KCNC1: variants seen among roughly 807,000 people sequenced by gnomAD.
The protein encoded by KCNC1 is voltage-gated potassium channel KCNC1.
Under a neutral mutation model 43.4 loss-of-function variants are expected in KCNC1, and 8 were observed. The observed-to-expected ratio is 0.18, with a 90% CI of 0.11 to 0.33. KCNC1 has a LOEUF of 0.33. KCNC1 is among the 10% of genes least tolerant of loss of function. The probability of loss-of-function intolerance (pLI) is 1.00; values close to 1 mark genes in which losing one functional copy is unlikely to be tolerated. For missense variants in KCNC1, 420 were observed against 836.0 expected (o/e 0.50, Z 6.14); for synonymous variants, 361 against 360.5 (o/e 1.00, Z -0.01).
Position 17,779,384 on chromosome 11 carries a change from C to T in KCNC1, c.1505-72C>T. 1 of 1,288,030 alleles carries T rather than the reference C, an allele frequency of 7.8e-7. No individual in the cohort carries two copies. Among genetic ancestry groups the T allele is most frequent in the Non-Finnish European group, 1.0e-6 (1 of 969,688 alleles). The allele number at this position is 1,288,030 out of a possible 1,614,324, so 79.8% of individuals were successfully genotyped here. On this transcript the variant is annotated intron_variant, in intron 2 of 3. Transcript: ENST00000265969. The surrounding 1 kb of genome is among the most constrained non-coding windows in gnomAD (Gnocchi z 7.2). Reference sequence around the variant, plus strand: ...GCTGCCCTCTGCCAATACCCCGCTTCTGGCCTGTCCCCCCCTGCCCCCCAC... The same window carrying T: ...GCTGCCCTCTGCCAATACCCCGCTTTTGGCCTGTCCCCCCCTGCCCCCCAC...
chr11:17,759,371 G>A (rs941777015), intron 1 of KCNC1, among the ~76,000 whole-genome samples: 35 of 152,158 alleles, frequency 2.3e-4, no homozygotes, highest in Non-Finnish European at 4.4e-4. Flanking sequence ...CAGTAGTAAG[G>A]CTGTTTTGCT....
rs1256575765 is a variant in KCNC1, at chr11:17,734,874, G to GCGCCT, written c.-1122_-1118dup. 15 of 149,878 alleles carry GCGCCT rather than the reference G, an allele frequency of 1.0e-4. No individual in the cohort carries two copies. In the East Asian group the frequency reaches 2.7e-3, roughly 27 times the overall value. 9.3% of individuals were successfully genotyped at this position (149,878 alleles called of 1,614,324 possible). On this transcript the variant is annotated 5_prime_UTR_variant, in exon 1 of 4. Transcript: ENST00000265969. ...CGGCGGCGGCGGCAGCGGCCGCTCCGCGCCTCGCCTCACCGGCCTCGCTGG... is the reference window on the plus strand; with the variant it reads ...CGGCGGCGGCGGCAGCGGCCGCTCCGCGCCTCGCCTCGCCTCACCGGCCTCGCTGG...
intron 1 of KCNC1, among the ~76,000 whole-genome samples, chr11:17,762,521 G>A (rs1849089355): frequency 6.6e-6 from 1 of 152,222 alleles, no homozygotes. Context: ...ACAGTCACCT[G>A]GTTGAGTCAG....
intron 1 of KCNC1, among the ~76,000 whole-genome samples, chr11:17,741,881 C>T (rs751495406): frequency 6.6e-6 from 1 of 152,238 alleles, no homozygotes; most frequent in Non-Finnish European, 1.5e-5. Flanking sequence ...ATCCCCGACA[C>T]CCCACCTCAA....
rs11024388 is a variant in KCNC1, at chr11:17,739,363, G to A, written c.570+2791G>A. On this transcript the variant is annotated intron_variant, in intron 1 of 3. Coordinates refer to ENST00000265969, the MANE Select transcript of KCNC1 (RefSeq NM_001112741.2). The surrounding 1 kb of genome is among the most constrained non-coding windows in gnomAD (Gnocchi z 4.2). Reference sequence around the variant, plus strand: ...TGAGAATAAATGTGAGACTCCAGGCGTGTGTGTGTGTGTGTGTGTGTGTGT... The same window carrying A: ...TGAGAATAAATGTGAGACTCCAGGCATGTGTGTGTGTGTGTGTGTGTGTGT... Among the ~76,000 whole-genome samples, 3 of 2,942 alleles carry A rather than the reference G, an allele frequency of 1.0e-3. No individual in the cohort carries two copies. The highest frequency in any genetic ancestry group is 2.8e-3 in the Non-Finnish European group (2 of 708). The allele number at this position is 2,942 out of a possible 152,430, so 1.9% of individuals were successfully genotyped here.
chr11:17,764,568 AG>A (rs1849126748), intron 1 of KCNC1, among the ~76,000 whole-genome samples: 1 of 152,152 alleles, frequency 6.6e-6, no homozygotes, highest in African/African-American at 2.4e-5. Flanking sequence ...GCTGCCACAC[AG>A]CCGTGTTCCT....
intron 1 of KCNC1, among the ~76,000 whole-genome samples, chr11:17,754,965 G>T (rs541631891): frequency 6.6e-5 from 10 of 152,278 alleles, no homozygotes; most frequent in African/African-American, 2.4e-4. Flanking sequence ...GCTGAGGAAA[G>T]TTGGCATCTT....
In KCNC1 at chr11:17,736,443, C is replaced by T. The variant is rs1279299321; in HGVS notation, c.441C>T (p.Asp147=). The T allele has an allele frequency of 6.2e-7, 1 of 1,605,214 alleles. No homozygotes were observed. Among genetic ancestry groups the T allele is most frequent in the Non-Finnish European group, 8.5e-7 (1 of 1,178,090 alleles). ...CTGGCGACTCGGGCGACGGCGAGGA[C>T]GAGCTGGAGATGACCAAGCGCCTGG... is the stretch of plus-strand genomic sequence containing the variant. ...DGPGDSGDGE[D]ELEMTKRLAL... Residue 147 remains aspartate, a synonymous_variant, in exon 1 of 4, where the codon GAC becomes GAT. Transcript: ENST00000265969. This position sits in a 1 kb window ranked among gnomAD's most constrained non-coding sequence, Gnocchi z 9.3.
rs1027362714 is a variant in KCNC1, at chr11:17,776,514, T to C, written c.1505-2942T>C. The C allele has an allele frequency of 1.0e-6, 1 of 985,436 alleles. No homozygotes were observed. The highest frequency in any genetic ancestry group is 1.7e-5 in the African/African-American group (1 of 57,362). The allele number at this position is 985,436 out of a possible 1,614,324, so 61.0% of individuals were successfully genotyped here. A position where few individuals can be genotyped will look rare whatever the true frequency, so the allele number is the denominator to read the frequency against. On this transcript the variant is annotated intron_variant, in intron 2 of 3. Transcript: ENST00000265969. The surrounding 1 kb of genome is among the most constrained non-coding windows in gnomAD (Gnocchi z 4.4). The stretch of plus-strand genomic sequence containing the variant: ...TGAGGGCCCAGCCTCGGGTTCTCCT[T>C]GCTCCAAAGTTTAAAAAAAAATGAC...
rs546674359 is a variant in KCNC1, at chr11:17,748,710, G to T, written c.570+12138G>T. 3.3e-5 allele frequency among the ~76,000 whole-genome samples: 5 copies of T among 152,184 alleles called. 1 individual carries two copies. The South Asian group carries it at 6.2e-4, about 19-fold the overall frequency. On this transcript the variant is annotated intron_variant, in intron 1 of 3. Coordinates refer to ENST00000265969, the MANE Select transcript of KCNC1 (RefSeq NM_001112741.2). ...GACAGTGGGGTCTGCTCTTGACGGG[G>T]CCTGCCCCATGGGTTCCCTGAGTGT...
At chr11:17,763,328 C>T (rs1849099117) in intron 1 of KCNC1, among the ~76,000 whole-genome samples, 1 of 151,980 alleles carries the variant, frequency 6.6e-6, no homozygotes, top group Non-Finnish European at 1.5e-5. Context: ...GAAAGGGGCA[C>T]ACCCCTGGGC....
In KCNC1 at chr11:17,773,144, A is replaced by AGCTGAGTAGAATTCCT. The variant is rs1310831174; in HGVS notation, c.1504+549_1504+564dup. The AGCTGAGTAGAATTCCT allele has an allele frequency of 3.2e-5, 32 of 988,466 alleles. No individual in the cohort carries two copies. Among genetic ancestry groups the AGCTGAGTAGAATTCCT allele is most frequent in the Non-Finnish European group, 3.8e-5 (32 of 832,204 alleles). 61.2% of individuals were successfully genotyped at this position (988,466 alleles called of 1,614,324 possible). A position where few individuals can be genotyped will look rare whatever the true frequency, so the allele number is the denominator to read the frequency against. On this transcript the variant is annotated intron_variant, in intron 2 of 3. Transcript: ENST00000265969. This position sits in a 1 kb window ranked among gnomAD's most constrained non-coding sequence, Gnocchi z 4.1. Reference sequence around the variant, plus strand: ...CACCCCCGGCAGAGCCTGTCTCCATAGCTGAGTAGAATTCCTGCCCTGATT... The same window carrying AGCTGAGTAGAATTCCT: ...CACCCCCGGCAGAGCCTGTCTCCATAGCTGAGTAGAATTCCTGCTGAGTAGAATTCCTGCCCTGATT...
intron 2 of KCNC1, chr11:17,774,071 C>G (rs1849259824): frequency 2.0e-6 from 2 of 985,410 alleles, no homozygotes; most frequent in African/African-American, 1.7e-5. Flanking sequence ...GCACTACCCT[C>G]AAGGCCCATT....
rs1208626021 is a variant in KCNC1, at chr11:17,736,395, C to G, written c.393C>G (p.Ala131=). ...SFGGAPLDNS[A]DDADADGPGD... is the part of the protein sequence containing the mutation. ...GCGGCGCTCCTCTGGACAACAGCGC[C>G]GACGACGCGGACGCCGACGGCCCTG... Residue 131 remains alanine, a synonymous_variant, in exon 1 of 4, where the codon GCC becomes GCG. Transcript: ENST00000265969. This position sits in a 1 kb window ranked among gnomAD's most constrained non-coding sequence, Gnocchi z 9.3. 3 of 1,610,048 alleles carry G rather than the reference C, an allele frequency of 1.9e-6. No homozygotes were observed. Among genetic ancestry groups the G allele is most frequent in the Non-Finnish European group, 2.5e-6 (3 of 1,178,776 alleles).
chr11:17,752,536 C>T (rs865952870), intron 1 of KCNC1, among the ~76,000 whole-genome samples: 10 of 152,216 alleles, frequency 6.6e-5, no homozygotes, highest in Non-Finnish European at 1.5e-4. Flanking sequence ...AAACTCATGG[C>T]CTTGCACACA....
At position 17,736,325 on chromosome 11, in the gene KCNC1, C is replaced by T; in HGVS notation, c.323C>T (p.Thr108Met). The T allele has an allele frequency of 6.2e-7, 1 of 1,613,164 alleles. No individual in the cohort carries two copies. Among genetic ancestry groups the T allele is most frequent in the Admixed American group, 1.7e-5 (1 of 60,012 alleles). Residue 108 changes from threonine to methionine, a missense_variant, in exon 1 of 4, where the codon ACG becomes ATG. Physicochemically the swap from Thr to Met is moderately conservative, Grantham distance 81. Around this residue, in one of 5 missense-constraint regions of KCNC1, gnomAD observed 22 missense variants for 104.8 expected, o/e 0.21. Transcript: ENST00000265969. The surrounding 1 kb of genome is among the most constrained non-coding windows in gnomAD (Gnocchi z 9.3). ...ETDVEPCCWM[T>M]YRQHRDAEEA... ...GACGTGGAGCCCTGCTGCTGGATGACGTACCGCCAGCACCGCGACGCCGAG... is the reference window on the plus strand; with the variant it reads ...GACGTGGAGCCCTGCTGCTGGATGATGTACCGCCAGCACCGCGACGCCGAG...
Position 17,773,846 on chromosome 11 carries a change from A to G in KCNC1, c.1504+1248A>G. ...GGAGTGCCAGGTGAGCAGGAGGTTG[A>G]CGTGACAGGTGGCATTTAGTCTATG... is the stretch of plus-strand genomic sequence containing the variant. On this transcript the variant is annotated intron_variant, in intron 2 of 3. Coordinates refer to ENST00000265969, the MANE Select transcript of KCNC1 (RefSeq NM_001112741.2). The surrounding 1 kb of genome is among the most constrained non-coding windows in gnomAD (Gnocchi z 4.1). 2 of 985,520 alleles carry G rather than the reference A, an allele frequency of 2.0e-6. No individual in the cohort carries two copies. Among genetic ancestry groups the G allele is most frequent in the Non-Finnish European group, 2.4e-6 (2 of 829,960 alleles). 61.0% of individuals were successfully genotyped at this position (985,520 alleles called of 1,614,324 possible). A position where few individuals can be genotyped will look rare whatever the true frequency, so the allele number is the denominator to read the frequency against.
intron 1 of KCNC1, among the ~76,000 whole-genome samples, chr11:17,762,296 G>T (rs1380581910): frequency 1.3e-5 from 2 of 152,200 alleles, no homozygotes; most frequent in East Asian, 3.9e-4. Flanking sequence ...CCCGTTCCAT[G>T]ACTAGAAGAT....
At chr11:17,765,071 C>T (rs1849133738) in intron 1 of KCNC1, among the ~76,000 whole-genome samples, 1 of 152,204 alleles carries the variant, frequency 6.6e-6, no homozygotes, top group Non-Finnish European at 1.5e-5. Flanking sequence ...GCCCCCACTG[C>T]CCGCAGCCCT....
Sources: gnomAD v4.1 joint callset for allele counts (sites outside exome capture counted in the v4.1 genomes callset) on GRCh38, gnomAD v4.1.1 for gene constraint, gnomAD v4.1.1 regional missense constraint, Gnocchi (gnomAD v3.1) non-coding constraint, MANE v1.5 for transcripts, NCBI Gene and HGNC (gene_info 2026-07-23, HGNC 2026-07-21) for gene names.